DLG2: variants seen among roughly 807,000 people sequenced by gnomAD.
DLG2 encodes disks large homolog 2.
Under a neutral mutation model 132.5 loss-of-function variants are expected in DLG2, and 45 were observed. That is an observed-to-expected ratio of 0.34 (90% confidence interval 0.27 to 0.44). The LOEUF is 0.44. Ranked by LOEUF, DLG2 falls within the 20% of genes least tolerant of loss-of-function variation. The pLI, the probability that DLG2 is intolerant of heterozygous loss-of-function variation, is 1.00. For missense variants in DLG2, 1,045 were observed against 1,196.9 expected (o/e 0.87, Z 1.87); for synonymous variants, 424 against 419.6 (o/e 1.01, Z -0.13).
At chr11:84,500,908 AT>A (rs1387125506) in intron 7 of DLG2, among the ~76,000 whole-genome samples, 5 of 152,220 alleles carry the variant, frequency 3.3e-5, no homozygotes, top group African/African-American at 7.2e-5. Flanking sequence ...GATATTTTAT[AT>A]GGCAATTCAC....
intron 18 of DLG2, among the ~76,000 whole-genome samples, chr11:83,713,236 T>C (rs952754018): frequency 3.3e-5 from 5 of 152,184 alleles, no homozygotes; most frequent in African/African-American, 1.2e-4. Context: ...AACCTAGGCA[T>C]TCCAGCTCCA....
chr11:84,699,759 T>C (rs2059015605), intron 6 of DLG2, among the ~76,000 whole-genome samples: 1 of 151,582 alleles, frequency 6.6e-6, no homozygotes, highest in South Asian at 2.1e-4. Flanking sequence ...TAAAGGACTC[T>C]TTTCTACCTC....
chr11:84,924,084 C>G (rs1383331611), intron 6 of DLG2, among the ~76,000 whole-genome samples: 5 of 151,904 alleles, frequency 3.3e-5, no homozygotes, highest in African/African-American at 1.2e-4. Flanking sequence ...AGCTTCTGCC[C>G]CTATAAGTCC....
chr11:85,470,103 G>C (rs573058011), intron 3 of DLG2, among the ~76,000 whole-genome samples: 2 of 149,932 alleles, frequency 1.3e-5, no homozygotes, highest in Non-Finnish European at 3.0e-5. Context: ...TGCATTTGCT[G>C]TTCCTTCTGC....
chr11:84,403,104 A>T (rs2098836477), intron 7 of DLG2, among the ~76,000 whole-genome samples: 1 of 151,960 alleles, frequency 6.6e-6, no homozygotes, highest in Non-Finnish European at 1.5e-5. Flanking sequence ...TTTCCAGAAG[A>T]TATCCTCTAT....
rs993334553 is a variant in DLG2 at position 84,175,055 on chromosome 11, T to C, written c.574-11544A>G. On this transcript the variant is annotated intron_variant, in intron 8 of 27. Transcript: ENST00000376104. ...CTTGTTCATCCTCATCCTTACTTAC[T>C]GATGGAAAGTATGTGCTCAATATAA... 2.0e-5 allele frequency among the ~76,000 whole-genome samples: 3 copies of C among 152,332 alleles called. No individual in the cohort carries two copies. The South Asian group carries it at 6.2e-4, about 32-fold the overall frequency.
At chr11:83,965,290 T>C (rs746929193) in intron 13 of DLG2, 34 bp downstream of exon 13, 49 of 1,576,552 alleles carry the variant, frequency 3.1e-5, no homozygotes, top group Non-Finnish European at 4.0e-5. Flanking sequence ...TCTGCAAGTC[T>C]GGCATGCTAT....
intron 7 of DLG2, among the ~76,000 whole-genome samples, chr11:84,273,513 A>G (rs2097757090): frequency 6.6e-6 from 1 of 152,136 alleles, no homozygotes; most frequent in Admixed American, 6.5e-5. Context: ...CAATCCCATC[A>G]GTGCTCTCCT....
intron 6 of DLG2, among the ~76,000 whole-genome samples, chr11:84,585,709 T>C (rs2099528081): frequency 1.3e-5 from 2 of 152,250 alleles, no homozygotes; most frequent in South Asian, 4.1e-4. Context: ...TTGCATATAT[T>C]TAGTTTGATT....
chr11:84,499,434 A>G (rs1439175354), intron 7 of DLG2, among the ~76,000 whole-genome samples: 2 of 152,158 alleles, frequency 1.3e-5, no homozygotes, highest in Admixed American at 6.5e-5. Flanking sequence ...CTTTACTCTA[A>G]AGAGGTGCTA....
At chr11:85,480,003 T>C (rs2153087891) in intron 3 of DLG2, among the ~76,000 whole-genome samples, 1 of 152,284 alleles carries the variant, frequency 6.6e-6, no homozygotes, top group South Asian at 2.1e-4. Context: ...TACCATTACG[T>C]TCTGAGGTAC....
chr11:85,423,998 T>A (rs1436326537), intron 3 of DLG2, among the ~76,000 whole-genome samples: 1 of 152,178 alleles, frequency 6.6e-6, no homozygotes, highest in Non-Finnish European at 1.5e-5. Context: ...ATTTCCCCCA[T>A]GGCCATTTCC....
At chr11:85,607,465 C>T (rs772688619) in intron 2 of DLG2, among the ~76,000 whole-genome samples, 25 of 152,206 alleles carry the variant, frequency 1.6e-4, no homozygotes, top group Admixed American at 3.3e-4. Flanking sequence ...TCCTTGCCCC[C>T]GGGTCCTAAC....
chr11:83,984,504 A>C (rs1415121225), intron 11 of DLG2, among the ~76,000 whole-genome samples: 2 of 152,094 alleles, frequency 1.3e-5, no homozygotes, highest in African/African-American at 4.8e-5. Flanking sequence ...TTATGTCTAC[A>C]TTGAGAATTT....
chr11:84,252,484 G>C (rs957920566), intron 7 of DLG2, among the ~76,000 whole-genome samples: 2 of 151,878 alleles, frequency 1.3e-5, no homozygotes, highest in Admixed American at 6.6e-5. Flanking sequence ...TAAATCCCTA[G>C]ATAGAACATT....
chr11:85,481,597 C>T lies in DLG2; in HGVS notation c.40+117060G>A, dbSNP rs1288743803. Among the ~76,000 whole-genome samples, 3 of 152,212 alleles carry T rather than the reference C, an allele frequency of 2.0e-5. No homozygotes were observed. The East Asian group carries it at 5.8e-4, about 29-fold the overall frequency. ...GCCCACCCCCAATAAAGCCTAGCAC[C>T]AGGAAGACCCCCAACAGCCCCAAAC... is the stretch of plus-strand genomic sequence containing the variant. On this transcript the variant is annotated intron_variant, in intron 3 of 27. Coordinates refer to ENST00000376104, the MANE Select transcript of DLG2 (RefSeq NM_001142699.3).
intron 7 of DLG2, among the ~76,000 whole-genome samples, chr11:84,253,612 G>C (rs1425881277): frequency 6.6e-6 from 1 of 152,112 alleles, no homozygotes; most frequent in East Asian, 1.9e-4. Flanking sequence ...TTCTAAAACA[G>C]CTCATGTCAA....
chr11:84,910,759 AAAAAACAACAACAAC>A, intron 6 of DLG2, among the ~76,000 whole-genome samples: 1 of 107,764 alleles, frequency 9.3e-6, no homozygotes, highest in South Asian at 3.2e-4. Flanking sequence ...AAAAAGGAAG[AAAAAACAACAACAAC>A]AACAACAACA....
intron 6 of DLG2, among the ~76,000 whole-genome samples, chr11:84,573,721 A>C (rs543676695): frequency 3.3e-4 from 50 of 152,306 alleles, no homozygotes; most frequent in African/African-American, 1.2e-3. Context: ...ATTAAATCAG[A>C]GGAAAACCAG....
Sources: gnomAD v4.1 joint callset for allele counts (sites outside exome capture counted in the v4.1 genomes callset) on GRCh38, gnomAD v4.1.1 for gene constraint, MANE v1.5 for transcripts, NCBI Gene and HGNC (gene_info 2026-07-23, HGNC 2026-07-21) for gene names.